The following CCDC57 variants were observed in gnomAD, a reference collection of about 807,000 sequenced individuals.
The protein encoded by CCDC57 is coiled-coil domain-containing protein 57.
Under a neutral mutation model 118.9 loss-of-function variants are expected in CCDC57, and 118 were observed. That is an observed-to-expected ratio of 0.99 (90% CI 0.86 to 1.16). CCDC57 has a LOEUF of 1.16. CCDC57 is among the 50% of genes most tolerant of loss of function. The pLI, the probability that CCDC57 is intolerant of heterozygous loss-of-function variation, is 0.00. For synonymous variants in CCDC57, 527 were observed against 532.9 expected, an observed-to-expected ratio of 0.99 and a Z score of 0.15; for missense variants, 1,300 against 1,320.7, an observed-to-expected ratio of 0.98 and a Z score of 0.24.
intron 16 of CCDC57, among the ~76,000 whole-genome samples, chr17:82,145,407 C>T (rs1017180099): frequency 6.6e-6 from 1 of 151,670 alleles, no homozygotes; most frequent in African/African-American, 2.4e-5. Flanking sequence ...ATTAGCTGGG[C>T]ATGGTGGCGG....
At chr17:82,186,771 G>A (rs898760029) in intron 8 of CCDC57, among the ~76,000 whole-genome samples, 3 of 151,832 alleles carry the variant, frequency 2.0e-5, no homozygotes, top group Admixed American at 1.3e-4. Context: ...GAGAAACCTC[G>A]TTTCTACAAA....
At position 82,212,658 on chromosome 17, in the gene CCDC57, C is replaced by T. The variant is rs2050251278; in HGVS notation, c.-211+127G>A. On this transcript the variant is annotated intron_variant, in intron 1 of 19. Coordinates refer to ENST00000665763, the Ensembl canonical transcript of CCDC57. This position sits in a 1 kb window ranked among gnomAD's most constrained non-coding sequence, Gnocchi z 4.1. ...CCGAGCTCTGAGGGTCGACCTCGCG[C>T]TCCAGGTCCCCACCAAAGCGCTGCG... 6.6e-6 allele frequency: 1 copy of T among 152,048 alleles called. No individual in the cohort carries two copies. Among genetic ancestry groups the T allele is most frequent in the African/African-American group, 2.4e-5 (1 of 41,396 alleles). 9.4% of individuals were successfully genotyped at this position (152,048 alleles called of 1,614,324 possible).
chr17:82,167,404 G>A (rs1053433902), intron 13 of CCDC57, among the ~76,000 whole-genome samples: 5 of 149,806 alleles, frequency 3.3e-5, no homozygotes, highest in African/African-American at 1.2e-4. Flanking sequence ...AGGCTGGAGT[G>A]CAGTGGCGCG....
chr17:82,189,742 A>G (rs1568426237), intron 7 of CCDC57, among the ~76,000 whole-genome samples: 1 of 152,158 alleles, frequency 6.6e-6, no homozygotes, highest in Non-Finnish European at 1.5e-5. Flanking sequence ...GATCCCAGCT[A>G]CTCGGGAGGC....
chr17:82,116,440 T>C (rs8066137), intron 19 of CCDC57, among the ~76,000 whole-genome samples: 80,532 of 151,876 alleles, frequency 0.53, 22,137 homozygotes, highest in African/African-American at 0.57. Context: ...TTGATGAGGC[T>C]CTACATGGCG....
intron 17 of CCDC57, among the ~76,000 whole-genome samples, chr17:82,133,804 G>A (rs2038781334): frequency 6.6e-6 from 1 of 152,026 alleles, no homozygotes; most frequent in African/African-American, 2.4e-5. Context: ...AGGTTGTAGT[G>A]AGCCGAGATT....
intron 16 of CCDC57, among the ~76,000 whole-genome samples, chr17:82,147,679 G>A (rs1469581614): frequency 8.0e-6 from 1 of 124,270 alleles, no homozygotes; most frequent in African/African-American, 3.1e-5. Context: ...GTGGGTGAAT[G>A]GATGAATGGG....
chr17:82,173,743 C>T (rs1050637810), intron 11 of CCDC57, among the ~76,000 whole-genome samples: 4 of 152,100 alleles, frequency 2.6e-5, no homozygotes, highest in Admixed American at 6.5e-5. Flanking sequence ...GACATGTTAC[C>T]CTAGGGTCAA....
chr17:82,136,412 C>A (rs927374775), intron 16 of CCDC57, among the ~76,000 whole-genome samples: 1 of 151,938 alleles, frequency 6.6e-6, no homozygotes, highest in Non-Finnish European at 1.5e-5. Context: ...GGGTGCTGGG[C>A]GGGGGACAGG....
rs2036205976 is a variant in CCDC57 at position 82,118,405 on chromosome 17, A to G, written c.2899+9287T>C. 6.6e-6 allele frequency among the ~76,000 whole-genome samples: 1 copy of G among 152,342 alleles called. No homozygotes were observed. The highest frequency in any genetic ancestry group is 1.9e-4 in the East Asian group (1 of 5,182). On this transcript the variant is annotated intron_variant, in intron 19 of 19. Coordinates refer to ENST00000665763, the Ensembl canonical transcript of CCDC57. This position sits in a 1 kb window ranked among gnomAD's most constrained non-coding sequence, Gnocchi z 4.7. The stretch of plus-strand genomic sequence containing the variant: ...AACCTGATGTGTTATTCATTAGCGC[A>G]GGATGCCCCACGCATCCGGAGATGG...
At chr17:82,107,153 C>A (rs1464242737) in intron 19 of CCDC57, among the ~76,000 whole-genome samples, 1 of 152,252 alleles carries the variant, frequency 6.6e-6, no homozygotes, top group African/African-American at 2.4e-5. Flanking sequence ...CACTGAGGGC[C>A]ACATGCCTGG....
intron 3 of CCDC57, among the ~76,000 whole-genome samples, chr17:82,199,610 T>C (rs1380725110): frequency 1.3e-5 from 2 of 151,994 alleles, no homozygotes; most frequent in African/African-American, 4.8e-5. Flanking sequence ...TTTAAAAGGA[T>C]GCTGTAAACA....
chr17:82,157,661 A>G (rs900725166), intron 15 of CCDC57, 87 bp downstream of exon 14: 62 of 1,490,782 alleles, frequency 4.2e-5, no homozygotes, highest in Non-Finnish European at 4.9e-5. Context: ...CAGGGCATAC[A>G]GACAGCAACG....
chr17:82,117,620 A>G (rs966031526), intron 19 of CCDC57, among the ~76,000 whole-genome samples: 1 of 151,894 alleles, frequency 6.6e-6, no homozygotes, highest in Non-Finnish European at 1.5e-5. Flanking sequence ...GCGGCACTAC[A>G]CTCCAGCCTG....
chr17:82,193,940 G>A, intron 6 of CCDC57, 42 bp downstream of exon 5: 1 of 1,590,102 alleles, frequency 6.3e-7, no homozygotes. Context: ...GGCCTGCGAG[G>A]CTGCCACAGA....
chr17:82,193,672 T>C, intron 7 of CCDC57, 84 bp downstream of exon 6: 1 of 1,263,020 alleles, frequency 7.9e-7, no homozygotes, highest in Admixed American at 2.0e-5. Context: ...CTCTGCTCCC[T>C]GGGCCATCAG....
At chr17:82,196,091 A>G (rs2048268789) in intron 4 of CCDC57, among the ~76,000 whole-genome samples, 1 of 152,216 alleles carries the variant, frequency 6.6e-6, no homozygotes, top group African/African-American at 2.4e-5. Flanking sequence ...AAACTCTGAC[A>G]AGAATGGCTG....
chr17:82,149,261 G>C lies in CCDC57; in HGVS notation c.2455+2299C>G, dbSNP rs184402852. On this transcript the variant is annotated intron_variant, in intron 16 of 19. Transcript: ENST00000665763. Reference sequence around the variant, plus strand: ...GGTAGATGGATGGATGGATGGATGGGGGGGGTGGGTGAATGGATGGATAGA... The same window carrying C: ...GGTAGATGGATGGATGGATGGATGGCGGGGGTGGGTGAATGGATGGATAGA... Among the ~76,000 whole-genome samples the C allele has an allele frequency of 5.5e-3, 831 of 150,020 alleles. 5 individuals carry two copies. Among genetic ancestry groups the C allele is most frequent in the African/African-American group, 0.017 (699 of 40,666 alleles).
At chr17:82,194,011 G>C (rs1377067674) in exon 6 of CCDC57, 2 of 1,612,344 alleles carry the variant, frequency 1.2e-6, no homozygotes, top group South Asian at 2.2e-5. Flanking sequence ...CCAGGTCCTG[G>C]AGCTCCCCGG....
Sources: allele counts gnomAD v4.1 joint callset (sites outside exome capture counted in the v4.1 genomes callset), GRCh38; gene constraint gnomAD v4.1.1; non-coding constraint Gnocchi (gnomAD v3.1); transcripts MANE v1.5; gene names NCBI Gene and HGNC (gene_info 2026-07-23, HGNC 2026-07-21).